The following SLC25A21 variants were observed in gnomAD, a reference collection of about 807,000 sequenced individuals.
The protein encoded by SLC25A21 is mitochondrial 2-oxodicarboxylate carrier.
In SLC25A21, 47 loss-of-function variants were observed where a neutral mutation model predicts 43.8. The observed-to-expected ratio is 1.07, with a 90% CI of 0.85 to 1.37. SLC25A21 has a LOEUF of 1.37. Ranked by LOEUF, SLC25A21 falls within the 40% of genes most tolerant of loss-of-function variation. SLC25A21 has a pLI of 0.00. For missense variants in SLC25A21, 352 were observed against 350.2 expected (o/e 1.00, Z -0.04); for synonymous variants, 131 against 121.3 (o/e 1.08, Z -0.52).
intron 1 of SLC25A21, among the ~76,000 whole-genome samples, chr14:36,912,173 G>C (rs1891704037): frequency 6.6e-6 from 1 of 152,140 alleles, no homozygotes; most frequent in Admixed American, 6.5e-5. Flanking sequence ...CATTAACTTT[G>C]CTAAGAATTT....
chr14:36,985,965 A>C (rs1960136847), intron 1 of SLC25A21, among the ~76,000 whole-genome samples: 1 of 152,092 alleles, frequency 6.6e-6, no homozygotes, highest in South Asian at 2.1e-4. Flanking sequence ...CCATTCTTTG[A>C]CTATGGCCTT....
intron 2 of SLC25A21, among the ~76,000 whole-genome samples, chr14:36,844,003 A>G (rs1889466313): frequency 6.6e-6 from 1 of 151,994 alleles, no homozygotes; most frequent in Non-Finnish European, 1.5e-5. Flanking sequence ...ACCCCCCAAA[A>G]TGCTTCCTTA....
chr14:37,064,447 G>C (rs150064662), intron 1 of SLC25A21, among the ~76,000 whole-genome samples: 273 of 151,750 alleles, frequency 1.8e-3, no homozygotes, highest in African/African-American at 4.3e-3. Context: ...TCTACCTTCT[G>C]TTGGTCTGTC....
At chr14:37,070,133 A>G (rs1334010782) in intron 1 of SLC25A21, among the ~76,000 whole-genome samples, 2 of 152,138 alleles carry the variant, frequency 1.3e-5, no homozygotes, top group African/African-American at 2.4e-5. Context: ...TGTTCTTTAC[A>G]TTTTGGCAAC....
At chr14:36,909,441 G>A (rs959729624) in intron 1 of SLC25A21, among the ~76,000 whole-genome samples, 6 of 152,240 alleles carry the variant, frequency 3.9e-5, no homozygotes, top group Admixed American at 1.3e-4. Flanking sequence ...ATAGTAAAGC[G>A]TATTCAACTG....
intron 2 of SLC25A21, among the ~76,000 whole-genome samples, chr14:36,845,835 G>A (rs757493843): frequency 3.9e-5 from 6 of 152,152 alleles, no homozygotes; most frequent in East Asian, 3.8e-4. Context: ...TCTTGTGATC[G>A]CACACTGGCG....
Position 36,725,579 on chromosome 14 carries a change from T to G in SLC25A21, c.429A>C (p.Thr143=), listed in dbSNP as rs1330620944. 5 of 1,574,090 alleles carry G rather than the reference T, an allele frequency of 3.2e-6. No homozygotes were observed. The African/African-American group carries it at 6.8e-5, about 22-fold the overall frequency. Residue 143 remains threonine, a synonymous_variant, in exon 6 of 10, where the codon ACA becomes ACC. Coordinates refer to ENST00000331299, the MANE Select transcript of SLC25A21 (RefSeq NM_030631.4). ...VKVGLQANRN[T]FAEQPSTVGY... ...AACATTAAATGGTTACCTCTGCAAA[T>G]GTGTTCCGATTTGCTTGCAAGCCAA...
intron 2 of SLC25A21, among the ~76,000 whole-genome samples, chr14:36,847,059 T>C (rs1394802868): frequency 1.3e-5 from 2 of 152,204 alleles, no homozygotes; most frequent in Admixed American, 6.5e-5. Flanking sequence ...CGCAGAATTA[T>C]TGATTATGGG....
At chr14:36,918,201 A>C (rs1348302163) in intron 1 of SLC25A21, among the ~76,000 whole-genome samples, 1 of 152,166 alleles carries the variant, frequency 6.6e-6, no homozygotes, top group Non-Finnish European at 1.5e-5. Flanking sequence ...GAGCTGAAAA[A>C]GTTTCAAAAA....
intron 3 of SLC25A21, among the ~76,000 whole-genome samples, chr14:36,800,096 C>A (rs948372190): frequency 6.6e-6 from 1 of 152,052 alleles, no homozygotes. Context: ...TTTTGCAGAT[C>A]TCAAGTCTCT....
intron 2 of SLC25A21, among the ~76,000 whole-genome samples, chr14:36,823,484 C>T (rs995794893): frequency 1.3e-5 from 2 of 152,112 alleles, no homozygotes; most frequent in East Asian, 1.9e-4. Flanking sequence ...CAAATGACTT[C>T]ACATCCACAT....
chr14:36,762,026 ATT>A (rs1307999687), intron 3 of SLC25A21, among the ~76,000 whole-genome samples: 1 of 152,182 alleles, frequency 6.6e-6, no homozygotes, highest in Admixed American at 6.5e-5. Flanking sequence ...AAAACAACGG[ATT>A]ATAGGTAGAT....
At chr14:36,779,244 AATATAAT>A (rs1331157730) in intron 3 of SLC25A21, among the ~76,000 whole-genome samples, 1 of 146,356 alleles carries the variant, frequency 6.8e-6, no homozygotes, top group Non-Finnish European at 1.5e-5. Context: ...AGATATAGAT[AATATAAT>A]ATATAATATA....
chr14:36,735,524 G>A, intron 3 of SLC25A21, among the ~76,000 whole-genome samples: 1 of 141,384 alleles, frequency 7.1e-6, no homozygotes, highest in East Asian at 2.1e-4. Flanking sequence ...CAGCTTCTCT[G>A]ATTCACCCCC....
At chr14:37,081,299 GT>G (rs1041901732) in intron 1 of SLC25A21, among the ~76,000 whole-genome samples, 3 of 152,226 alleles carry the variant, frequency 2.0e-5, no homozygotes, top group African/African-American at 7.2e-5. Flanking sequence ...AATATCAGAT[GT>G]AACCTCTTGA....
At chr14:37,043,942 T>TTTTTTG (rs1311201269) in intron 1 of SLC25A21, among the ~76,000 whole-genome samples, 5 of 146,876 alleles carry the variant, frequency 3.4e-5, no homozygotes, top group African/African-American at 1.2e-4. Context: ...GTTTTTTTGT[T>TTTTTTG]TTTTTTTTTT....
At chr14:36,920,256 T>A (rs77025378) in intron 1 of SLC25A21, among the ~76,000 whole-genome samples, 2,634 of 152,202 alleles carry the variant, frequency 0.017, 68 homozygotes, top group African/African-American at 0.059. Flanking sequence ...TGGCTTAGTT[T>A]ACACTTTATA....
rs1207742993 is a variant in SLC25A21 at position 36,678,863 on chromosome 14, C to T, written c.*1795G>A. On this transcript the variant is annotated 3_prime_UTR_variant, in exon 10 of 10. Transcript: ENST00000331299. ...AGTAATTTTTAAAAGATATCAGATACAATTTGCTATTCAAAGAAAATTATG... is the reference window on the plus strand; with the variant it reads ...AGTAATTTTTAAAAGATATCAGATATAATTTGCTATTCAAAGAAAATTATG... 1 of 973,022 alleles carries T rather than the reference C, an allele frequency of 1.0e-6. No individual in the cohort carries two copies. 60.3% of individuals were successfully genotyped at this position (973,022 alleles called of 1,614,324 possible). A position where few individuals can be genotyped will look rare whatever the true frequency, so the allele number is the denominator to read the frequency against.
At chr14:36,798,996 G>C (rs1887774232) in intron 3 of SLC25A21, among the ~76,000 whole-genome samples, 1 of 152,106 alleles carries the variant, frequency 6.6e-6, no homozygotes, top group East Asian at 1.9e-4. Context: ...TGTAACCTGG[G>C]TGAATAAAGA....
Sources: allele counts gnomAD v4.1 joint callset (sites outside exome capture counted in the v4.1 genomes callset), GRCh38; gene constraint gnomAD v4.1.1; transcripts MANE v1.5; gene names NCBI Gene and HGNC (gene_info 2026-07-23, HGNC 2026-07-21).